Variants in NHSL2 observed in about 807,000 individuals in gnomAD.
NHSL2 encodes the protein NHS-like protein 2.
A neutral mutation model predicts 53.4 loss-of-function variants in NHSL2; 27 were observed. The observed-to-expected ratio is 0.51, with a 90% confidence interval of 0.37 to 0.70. NHSL2 has a LOEUF of 0.70. Ranked by LOEUF, NHSL2 falls within the 30% of genes least tolerant of loss-of-function variation. The pLI is 0.00. For synonymous variants in NHSL2, 408 were observed against 404.1 expected (o/e 1.01, Z -0.12); for missense variants, 892 against 980.1 (o/e 0.91, Z 1.20).
Position 72,143,367 on chromosome X carries a change from C to T in NHSL2, c.3471C>T (p.Thr1157=), listed in dbSNP as rs775782193. Residue 1157 remains threonine, a synonymous_variant, in exon 8 of 8, where the codon ACC becomes ACT. Transcript: ENST00000633930. ...CTGAGTCTCCAATCAGTGAGTCTAC[C>T]GCCACTGCAGGGTCAGGCAGCAGTG... is the stretch of plus-strand genomic sequence containing the variant. ...NTAESPISES[T]ATAGSGSSAN... 3.5e-5 allele frequency: 41 copies of T among 1,164,082 alleles called. No homozygotes were observed. Among genetic ancestry groups the T allele is most frequent in the African/African-American group, 5.4e-5 (3 of 55,457 alleles).
intron 1 of NHSL2, among the ~76,000 whole-genome samples, chrX:72,084,729 C>G (rs911019884): frequency 8.9e-6 from 1 of 112,221 alleles, no homozygotes; most frequent in South Asian, 3.7e-4. Flanking sequence ...CCACACGGGT[C>G]TGGTCAGAGC....
At chrX:72,104,936 T>G (rs1027611221) in intron 1 of NHSL2, among the ~76,000 whole-genome samples, 7 of 111,875 alleles carry the variant, frequency 6.3e-5, no homozygotes, top group Non-Finnish European at 1.1e-4. Context: ...TTTGGAGATA[T>G]TGATTTGCCT....
chrX:71,951,789 C>T (rs2041822143), intron 1 of NHSL2, among the ~76,000 whole-genome samples: 1 of 112,372 alleles, frequency 8.9e-6, no homozygotes, highest in Admixed American at 9.4e-5. Flanking sequence ...CTGGACTCTC[C>T]ACATGCTTTG....
At chrX:72,111,071 C>T (rs1385048641) in intron 1 of NHSL2, among the ~76,000 whole-genome samples, 1 of 112,852 alleles carries the variant, frequency 8.9e-6, no homozygotes, top group African/African-American at 3.2e-5. Flanking sequence ...AGGTTATGTG[C>T]AATGTTTTGG....
At chrX:72,135,613 A>C (rs2042349763) in intron 4 of NHSL2, among the ~76,000 whole-genome samples, 1 of 112,361 alleles carries the variant, frequency 8.9e-6, no homozygotes, top group Non-Finnish European at 1.9e-5. Flanking sequence ...GGGGTCCTCC[A>C]CTGTCACTGG....
chrX:72,105,529 G>T (rs757848607), intron 1 of NHSL2, among the ~76,000 whole-genome samples: 1 of 111,751 alleles, frequency 8.9e-6, no homozygotes, highest in African/African-American at 3.2e-5. Flanking sequence ...GGCGGAAGTT[G>T]GAGGGAACCG....
Position 72,139,675 on chromosome X carries a change from G to T in NHSL2, c.2127G>T (p.Met709Ile), listed in dbSNP as rs763298069. The T allele has an allele frequency of 1.7e-6, 2 of 1,211,243 alleles. No individual in the cohort carries two copies. Among genetic ancestry groups the T allele is most frequent in the South Asian group, 3.5e-5 (2 of 56,938 alleles). The change falls in exon 6 of 8, where the codon ATG becomes ATT. Residue 709 changes from methionine (M) to isoleucine (I), a missense_variant. Physicochemically the swap from Met to Ile is conservative, Grantham distance 10 (BLOSUM62 1). Transcript: ENST00000633930. ...CCCCGGGAAGGCCCCCTGGACTGATGTCACCCTCCAGTGGCTACTCCAGCC... is the reference window on the plus strand; with the variant it reads ...CCCCGGGAAGGCCCCCTGGACTGATTTCACCCTCCAGTGGCTACTCCAGCC... Reference protein sequence around the residue: ...ISSPGRPPGLMSPSSGYSSQS... With the variant: ...ISSPGRPPGLISPSSGYSSQS...
chrX:72,011,471 A>C (rs2042115277), intron 1 of NHSL2, among the ~76,000 whole-genome samples: 1 of 112,127 alleles, frequency 8.9e-6, no homozygotes, highest in Non-Finnish European at 1.9e-5. Flanking sequence ...GGAGATCAAG[A>C]CCATCGTGGC....
chrX:71,935,840 G>T (rs1302338669), intron 1 of NHSL2, among the ~76,000 whole-genome samples: 1 of 111,832 alleles, frequency 8.9e-6, no homozygotes, highest in African/African-American at 3.3e-5. Context: ...AAAGCCTAGG[G>T]GATTTGTGAG....
In NHSL2 at chrX:71,957,546, G is replaced by A. The variant is rs753982945; in HGVS notation, c.280+46179G>A. On this transcript the variant is annotated intron_variant, in intron 1 of 7. Coordinates refer to ENST00000633930, the MANE Select transcript of NHSL2 (RefSeq NM_001013627.3). ...CTCCCAAAGTGCTGGGATTACAGGT[G>A]TGAGCCACAACAGCTGCATCTTTTA... 3.6e-5 allele frequency among the ~76,000 whole-genome samples: 4 copies of A among 112,095 alleles called. No individual in the cohort carries two copies. In the South Asian group the frequency reaches 1.5e-3, roughly 42 times the overall value.
At chrX:72,109,478 G>A (rs1602375703) in intron 1 of NHSL2, among the ~76,000 whole-genome samples, 1 of 111,100 alleles carries the variant, frequency 9.0e-6, no homozygotes, top group East Asian at 2.8e-4. Context: ...TTGTTTGTTT[G>A]TTTGTTTGGG....
intron 1 of NHSL2, among the ~76,000 whole-genome samples, chrX:72,064,253 C>CA (rs2147941299): frequency 9.0e-6 from 1 of 111,646 alleles, no homozygotes; most frequent in East Asian, 2.8e-4. Flanking sequence ...CCACTGGAGT[C>CA]AGAGTCAGAG....
At chrX:72,087,559 C>G (rs1260389982) in intron 1 of NHSL2, among the ~76,000 whole-genome samples, 1 of 112,819 alleles carries the variant, frequency 8.9e-6, no homozygotes, top group Non-Finnish European at 1.9e-5. Flanking sequence ...AGAGACTTCA[C>G]AAGAATGCTG....
At chrX:72,007,200 G>T (rs1176225752) in intron 1 of NHSL2, among the ~76,000 whole-genome samples, 1 of 112,509 alleles carries the variant, frequency 8.9e-6, no homozygotes, top group African/African-American at 3.2e-5. Context: ...GAAAGAAAGT[G>T]GGGGAGAGCA....
At chrX:72,129,644 G>A (rs1406676840) in intron 1 of NHSL2, 6 of 449,840 alleles carry the variant, frequency 1.3e-5, no homozygotes, top group Non-Finnish European at 2.2e-5. Context: ...GGTGGCCCTG[G>A]TTGGGCACAC....
chrX:71,967,972 C>T (rs763396876), intron 1 of NHSL2, among the ~76,000 whole-genome samples: 15 of 108,705 alleles, frequency 1.4e-4, no homozygotes, highest in Non-Finnish European at 2.3e-4. Context: ...TTCTAAGCTG[C>T]GTGCATGTTA....
rs1453031988 is a variant in NHSL2, at chrX:72,076,173, T to TCTGC, written c.281-55899_281-55896dup. On this transcript the variant is annotated intron_variant, in intron 1 of 7. Transcript: ENST00000633930. ...GTCTCGAACTCCCGACCTCAGGTGA[T>TCTGC]CTGCCTGCCTTGGCCTCCCAAAGTG... 1.0e-3 allele frequency among the ~76,000 whole-genome samples: 116 copies of TCTGC among 111,349 alleles called. 1 individual carries two copies. The highest frequency in any genetic ancestry group is 3.7e-3 in the African/African-American group (112 of 30,584).
chrX:71,932,744 G>A lies in NHSL2; in HGVS notation c.280+21377G>A, dbSNP rs1569463928. Among the ~76,000 whole-genome samples the A allele has an allele frequency of 6.3e-5, 7 of 111,933 alleles. 1 individual carries two copies. In the South Asian group the frequency reaches 2.3e-3, roughly 36 times the overall value. On this transcript the variant is annotated intron_variant, in intron 1 of 7. Transcript: ENST00000633930. ...GAATCATTGTTACTGAGTTTGAGAT[G>A]CCTTCCAGATATTATTAAGTTATCT...
At chrX:72,001,411 C>T (rs2042072378) in intron 1 of NHSL2, among the ~76,000 whole-genome samples, 1 of 111,416 alleles carries the variant, frequency 9.0e-6, no homozygotes, top group Non-Finnish European at 1.9e-5. Flanking sequence ...TTTACATTGC[C>T]TTCTTCTGGA....
Sources: gnomAD v4.1 joint callset for allele counts (sites outside exome capture counted in the v4.1 genomes callset) on GRCh38, gnomAD v4.1.1 for gene constraint, MANE v1.5 for transcripts, NCBI Gene and HGNC (gene_info 2026-07-23, HGNC 2026-07-21) for gene names.